KCTD16: variants seen among roughly 807,000 people sequenced by gnomAD.
KCTD16 encodes BTB/POZ domain-containing protein KCTD16.
Under a neutral mutation model 33.2 loss-of-function variants are expected in KCTD16, and 13 were observed. That is an observed-to-expected ratio of 0.39 (90% CI 0.25 to 0.62). The LOEUF (loss-of-function observed/expected upper bound fraction) is 0.62. Ranked by LOEUF, KCTD16 falls within the 20% of genes least tolerant of loss-of-function variation. The probability of loss-of-function intolerance (pLI) is 0.50; values close to 1 mark genes in which losing one functional copy is unlikely to be tolerated. For synonymous variants in KCTD16, 197 were observed against 195.3 expected, an observed-to-expected ratio of 1.01 and a Z score of -0.07; for missense variants, 441 against 525.1, an observed-to-expected ratio of 0.84 and a Z score of 1.57.
At chr5:144,438,957 C>T (rs4555858) in intron 3 of KCTD16, among the ~76,000 whole-genome samples, 2,579 of 152,186 alleles carry the variant, frequency 0.017, 74 homozygotes, top group African/African-American at 0.055. Context: ...ATTAATTTGC[C>T]TCTTTGGAAG....
At chr5:144,385,260 G>A (rs1341152580) in intron 3 of KCTD16, 3 of 152,218 alleles carry the variant, frequency 2.0e-5, no homozygotes, top group Non-Finnish European at 2.9e-5. Flanking sequence ...ACTCGTAGAT[G>A]CTGATGACTT....
intron 3 of KCTD16, among the ~76,000 whole-genome samples, chr5:144,464,090 C>T (rs976308214): frequency 6.6e-6 from 1 of 152,172 alleles, no homozygotes; most frequent in Non-Finnish European, 1.5e-5. Context: ...AGTGAAATGA[C>T]AGCTCAATTT....
At chr5:144,360,082 G>A (rs1050827355) in intron 3 of KCTD16, among the ~76,000 whole-genome samples, 8 of 152,058 alleles carry the variant, frequency 5.3e-5, no homozygotes, top group East Asian at 3.9e-4. Flanking sequence ...GATAAAAAGC[G>A]TGACCATCAT....
chr5:144,317,936 G>T (rs936315576), intron 3 of KCTD16, among the ~76,000 whole-genome samples: 2 of 152,206 alleles, frequency 1.3e-5, no homozygotes, highest in African/African-American at 4.8e-5. Context: ...TTTCCCCGGA[G>T]TCTATGCCCG....
At chr5:144,294,377 G>A (rs1336002034) in intron 3 of KCTD16, among the ~76,000 whole-genome samples, 1 of 152,108 alleles carries the variant, frequency 6.6e-6, no homozygotes, top group Non-Finnish European at 1.5e-5. Flanking sequence ...AGTACAGTTT[G>A]CTTTTTAACT....
At chr5:144,243,285 CT>C (rs1333782960) in intron 3 of KCTD16, among the ~76,000 whole-genome samples, 1 of 152,102 alleles carries the variant, frequency 6.6e-6, no homozygotes, top group Non-Finnish European at 1.5e-5. Context: ...TATAAAGTTA[CT>C]CTTTCTTTCT....
intron 3 of KCTD16, among the ~76,000 whole-genome samples, chr5:144,397,431 A>G (rs1005623739): frequency 2.0e-5 from 3 of 152,296 alleles, no homozygotes; most frequent in Middle Eastern, 6.8e-3. Context: ...TCCTTTGGGT[A>G]TATACCCAGT....
intron 3 of KCTD16, among the ~76,000 whole-genome samples, chr5:144,373,787 A>G (rs1049241940): frequency 6.6e-6 from 1 of 152,250 alleles, no homozygotes; most frequent in Non-Finnish European, 1.5e-5. Flanking sequence ...TGTTTGATTG[A>G]TATTTAATAA....
At chr5:144,172,166 G>A (rs558250290) in intron 1 of KCTD16, among the ~76,000 whole-genome samples, 1 of 143,740 alleles carries the variant, frequency 7.0e-6, no homozygotes, top group African/African-American at 2.8e-5. Context: ...AACAAAAATA[G>A]CAACAACAAA....
intron 3 of KCTD16, among the ~76,000 whole-genome samples, chr5:144,234,653 A>T (rs984172314): frequency 1.3e-5 from 2 of 152,098 alleles, no homozygotes; most frequent in Non-Finnish European, 2.9e-5. Flanking sequence ...TCTTGCAAAA[A>T]ATGGGAATAA....
intron 3 of KCTD16, among the ~76,000 whole-genome samples, chr5:144,270,998 T>A (rs376814446): frequency 3.3e-5 from 5 of 151,932 alleles, no homozygotes; most frequent in African/African-American, 1.2e-4. Context: ...ATTATACATA[T>A]AACTAGTAAG....
chr5:144,460,076 C>T (rs930025168), intron 3 of KCTD16, among the ~76,000 whole-genome samples: 2 of 152,038 alleles, frequency 1.3e-5, no homozygotes, highest in Non-Finnish European at 2.9e-5. Context: ...TCGTGATCCG[C>T]CCGCCTCAGC....
Position 144,332,882 on chromosome 5 carries a change from A to G in KCTD16, c.832+125336A>G, listed in dbSNP as rs538369192. On this transcript the variant is annotated intron_variant, in intron 3 of 3. Transcript: ENST00000512467. ...ACATAGCTGGGAAGGCCTCATAATC[A>G]TGGCGGAAGGCAAAGGAGGAGAAAG... Among the ~76,000 whole-genome samples the G allele has an allele frequency of 1.3e-4, 20 of 152,346 alleles. No homozygotes were observed. The East Asian group carries it at 3.5e-3, about 26-fold the overall frequency.
intron 2 of KCTD16, among the ~76,000 whole-genome samples, chr5:144,178,815 A>G (rs1256209971): frequency 6.6e-6 from 1 of 152,170 alleles, no homozygotes; most frequent in Non-Finnish European, 1.5e-5. Flanking sequence ...TAAATATTAT[A>G]ATACACTACA....
intron 3 of KCTD16, among the ~76,000 whole-genome samples, chr5:144,343,714 T>C (rs1471617989): frequency 2.0e-5 from 3 of 152,234 alleles, no homozygotes; most frequent in South Asian, 2.1e-4. Flanking sequence ...CTTGTTGGCA[T>C]TTAGTGGTAT....
intron 2 of KCTD16, among the ~76,000 whole-genome samples, chr5:144,192,059 C>G (rs1752852745): frequency 6.6e-6 from 1 of 151,990 alleles, no homozygotes; most frequent in Non-Finnish European, 1.5e-5. Context: ...GTTGGTGGAC[C>G]AAAGGGGGCA....
intron 3 of KCTD16, among the ~76,000 whole-genome samples, chr5:144,380,023 T>C (rs1180871826): frequency 1.3e-5 from 2 of 152,134 alleles, no homozygotes; most frequent in Non-Finnish European, 2.9e-5. Flanking sequence ...GTTGCAAGTG[T>C]GGTTTCCTCT....
intron 3 of KCTD16, among the ~76,000 whole-genome samples, chr5:144,345,349 T>TATAATA (rs917587163): frequency 6.6e-6 from 1 of 151,604 alleles, no homozygotes; most frequent in Non-Finnish European, 1.5e-5. Flanking sequence ...AAACTTAAAG[T>TATAATA]ATAATAATAA....
At chr5:144,414,938 A>G (rs776958010) in intron 3 of KCTD16, among the ~76,000 whole-genome samples, 3 of 152,190 alleles carry the variant, frequency 2.0e-5, no homozygotes, top group Non-Finnish European at 2.9e-5. Flanking sequence ...TGATCCTCAT[A>G]CAAATTTTGA....
Sources: allele counts gnomAD v4.1 joint callset (sites outside exome capture counted in the v4.1 genomes callset), GRCh38; gene constraint gnomAD v4.1.1; transcripts MANE v1.5; gene names NCBI Gene and HGNC (gene_info 2026-07-23, HGNC 2026-07-21).